TTLL5: variants seen among roughly 807,000 people sequenced by gnomAD.
TTLL5 encodes tubulin tyrosine ligase like 5, also known as tubulin polyglutamylase TTLL5.
TTLL5 carries 132 observed loss-of-function variants against 168.4 expected under a neutral mutation model. That is an observed-to-expected ratio of 0.78 (90% CI 0.68 to 0.91). The LOEUF is 0.91. TTLL5 is among the 40% of genes least tolerant of loss of function. The probability of loss-of-function intolerance (pLI) is 0.00; values close to 1 mark genes in which losing one functional copy is unlikely to be tolerated. For missense variants in TTLL5, 1,545 were observed against 1,581.5 expected, an observed-to-expected ratio of 0.98 and a Z score of 0.39; for synonymous variants, 546 against 558.6, an observed-to-expected ratio of 0.98 and a Z score of 0.32.
intron 27 of TTLL5, among the ~76,000 whole-genome samples, chr14:75,794,996 T>G (rs1051097191): frequency 3.9e-5 from 6 of 152,112 alleles, no homozygotes; most frequent in Non-Finnish European, 7.4e-5. Flanking sequence ...CACCCCACTG[T>G]TCTCCTGCCA....
chr14:75,954,469 A>G lies in TTLL5; in HGVS notation c.*23A>G. On this transcript the variant is annotated 3_prime_UTR_variant, in exon 32 of 32. Coordinates refer to ENST00000298832, the MANE Select transcript of TTLL5 (RefSeq NM_015072.5). ...TGAACCACAAACACACAGAGAAACA[A>G]CCTGTTCACCACTCCTGGGTGCATG... 6.2e-7 allele frequency: 1 copy of G among 1,613,252 alleles called. No individual in the cohort carries two copies. The highest frequency in any genetic ancestry group is 8.5e-7 in the Non-Finnish European group (1 of 1,179,512).
intron 31 of TTLL5, among the ~76,000 whole-genome samples, chr14:75,947,683 A>C (rs746386634): frequency 6.6e-6 from 1 of 152,188 alleles, no homozygotes; most frequent in Admixed American, 6.5e-5. Context: ...AGTGGTTCAC[A>C]CCCATAAACC....
intron 5 of TTLL5, chr14:75,685,127 A>T (rs927242670): frequency 1.3e-5 from 2 of 152,126 alleles, no homozygotes; most frequent in African/African-American, 4.8e-5. Flanking sequence ...CATGTCTGTG[A>T]TCCCAGCACT....
intron 1 of TTLL5, 102 bp from the exon 2 acceptor site, chr14:75,662,953 A>G (rs1241657255): frequency 2.9e-6 from 2 of 678,248 alleles, no homozygotes; most frequent in Non-Finnish European, 5.4e-6. Flanking sequence ...ACTGTTTAGG[A>G]ATATAGTCAT....
intron 29 of TTLL5, among the ~76,000 whole-genome samples, chr14:75,881,790 A>C (rs2031825804): frequency 6.6e-6 from 1 of 152,194 alleles, no homozygotes; most frequent in African/African-American, 2.4e-5. Flanking sequence ...TGTTGAAAGC[A>C]GTATTAATAG....
At chr14:75,913,820 C>T (rs1012952905) in intron 31 of TTLL5, among the ~76,000 whole-genome samples, 46 of 151,210 alleles carry the variant, frequency 3.0e-4, no homozygotes, top group African/African-American at 1.1e-3. Context: ...TCAAGACCAG[C>T]GTGGCCAACA....
intron 28 of TTLL5, among the ~76,000 whole-genome samples, chr14:75,841,544 C>T (rs1020921740): frequency 6.6e-6 from 1 of 152,104 alleles, no homozygotes; most frequent in African/African-American, 2.4e-5. Context: ...GGGTGATTCC[C>T]TTGATAATTT....
At chr14:75,803,552 A>G (rs1893457580) in intron 27 of TTLL5, among the ~76,000 whole-genome samples, 1 of 152,230 alleles carries the variant, frequency 6.6e-6, no homozygotes. Context: ...TCAACAAATA[A>G]CTTAGAAATC....
At chr14:75,847,136 G>A (rs1472021630) in intron 28 of TTLL5, among the ~76,000 whole-genome samples, 1 of 151,946 alleles carries the variant, frequency 6.6e-6, no homozygotes, top group East Asian at 1.9e-4. Flanking sequence ...CAAGTAGCTG[G>A]GATTATAGGT....
At chr14:75,782,115 C>G (rs1451982219) in intron 24 of TTLL5, among the ~76,000 whole-genome samples, 1 of 151,956 alleles carries the variant, frequency 6.6e-6, no homozygotes, top group Non-Finnish European at 1.5e-5. Context: ...GGGGCTACCA[C>G]CAACCAGCGT....
At chr14:75,827,132 G>T (rs912347049) in intron 28 of TTLL5, among the ~76,000 whole-genome samples, 1 of 152,134 alleles carries the variant, frequency 6.6e-6, no homozygotes, top group Non-Finnish European at 1.5e-5. Context: ...CTGCTTTGTG[G>T]GACAAAGTTT....
intron 7 of TTLL5, among the ~76,000 whole-genome samples, chr14:75,704,651 G>T (rs1156799467): frequency 1.3e-5 from 2 of 152,124 alleles, no homozygotes; most frequent in African/African-American, 2.4e-5. Context: ...GTTAACTGGG[G>T]ATTGATGAAA....
At chr14:75,730,325 ATG>A (rs1381627957) in intron 12 of TTLL5, among the ~76,000 whole-genome samples, 2 of 152,352 alleles carry the variant, frequency 1.3e-5, no homozygotes, top group East Asian at 3.9e-4. Flanking sequence ...ATTGAGAAGA[ATG>A]TATTAGCTGT....
chr14:75,719,257 G>A (rs1483339613), intron 10 of TTLL5, among the ~76,000 whole-genome samples: 5 of 152,224 alleles, frequency 3.3e-5, no homozygotes, highest in Non-Finnish European at 7.3e-5. Flanking sequence ...AGATGCCAAA[G>A]CAATTCTGTG....
At chr14:75,734,963 C>A (rs1423053175) in intron 14 of TTLL5, among the ~76,000 whole-genome samples, 1 of 152,216 alleles carries the variant, frequency 6.6e-6, no homozygotes. Flanking sequence ...ATTTCAGCTA[C>A]CCAACCAGCA....
chr14:75,681,498 T>C (rs745686995), intron 3 of TTLL5, 47 bp from the exon 4 acceptor site: 23 of 1,526,194 alleles, frequency 1.5e-5, no homozygotes, highest in Middle Eastern at 1.7e-4. Flanking sequence ...ATTTTTGTTT[T>C]TACAGTTAAC....
chr14:75,939,781 C>T (rs2359991), intron 31 of TTLL5, among the ~76,000 whole-genome samples: 120,141 of 152,070 alleles, frequency 0.79, 47,587 homozygotes, highest in Admixed American at 0.83. Context: ...CTCTTTGACT[C>T]ATTAATGCTG....
Position 75,771,732 on chromosome 14 carries a change from A to G in TTLL5, c.2016-2A>G. On this transcript the variant is annotated splice_acceptor_variant, in intron 20 of 31. Coordinates refer to ENST00000298832, the MANE Select transcript of TTLL5 (RefSeq NM_015072.5). LOFTEE classifies it high-confidence loss of function. ...ACGGTATGTTGTTTTGGATTTCTATAGCAAAATGCAGGCCCGAATAGCATT... is the reference window on the plus strand; with the variant it reads ...ACGGTATGTTGTTTTGGATTTCTATGGCAAAATGCAGGCCCGAATAGCATT... 6.2e-7 allele frequency: 1 copy of G among 1,613,250 alleles called. No individual in the cohort carries two copies. The highest frequency in any genetic ancestry group is 8.5e-7 in the Non-Finnish European group (1 of 1,179,726).
chr14:75,775,066 A>C (rs868515001), intron 21 of TTLL5, among the ~76,000 whole-genome samples: 1 of 140,652 alleles, frequency 7.1e-6, no homozygotes, highest in East Asian at 2.1e-4. Flanking sequence ...CATCTTTTCT[A>C]TCTCTAAATA....
Sources: allele counts gnomAD v4.1 joint callset (sites outside exome capture counted in the v4.1 genomes callset), GRCh38; gene constraint gnomAD v4.1.1; transcripts MANE v1.5; gene names NCBI Gene and HGNC (gene_info 2026-07-23, HGNC 2026-07-21).